The following MEGF11 variants were observed in gnomAD, a reference collection of about 807,000 sequenced individuals.
MEGF11 encodes the protein multiple epidermal growth factor-like domains protein 11.
A neutral mutation model predicts 146.6 loss-of-function variants in MEGF11; 126 were observed. The ratio of observed to expected loss-of-function variants is 0.86; its 90% CI spans 0.74 to 1.00. The LOEUF (loss-of-function observed/expected upper bound fraction) is 1.00, where lower values mean the gene tolerates loss of function less well. Ranked by LOEUF, MEGF11 falls within the 50% of genes least tolerant of loss-of-function variation. The probability of loss-of-function intolerance (pLI) is 0.00; values close to 1 mark genes in which losing one functional copy is unlikely to be tolerated. For synonymous variants in MEGF11, 532 were observed against 583.4 expected (o/e 0.91, Z 1.27); for missense variants, 1,509 against 1,521.2 (o/e 0.99, Z 0.13).
chr15:65,956,645 G>C (rs2080649753), intron 10 of MEGF11, among the ~76,000 whole-genome samples: 1 of 152,188 alleles, frequency 6.6e-6, no homozygotes, highest in South Asian at 2.1e-4. Flanking sequence ...TTGGCTCCTT[G>C]AGCCTGCTGG....
intron 5 of MEGF11, among the ~76,000 whole-genome samples, chr15:66,044,155 A>T (rs534941008): frequency 9.2e-5 from 14 of 152,320 alleles, no homozygotes; most frequent in African/African-American, 3.4e-4. Context: ...GAACATCTCC[A>T]CTATGGCAAG....
intron 3 of MEGF11, among the ~76,000 whole-genome samples, chr15:66,120,548 T>C (rs1281424402): frequency 1.3e-5 from 2 of 152,180 alleles, no homozygotes; most frequent in South Asian, 2.1e-4. Context: ...AGTCCTGTAA[T>C]ACAGGCTGGG....
At position 66,094,474 on chromosome 15, in the gene MEGF11, C is replaced by T. The variant is rs2086454054; in HGVS notation, c.322G>A (p.Val108Met). 7 of 1,560,672 alleles carry T rather than the reference C, an allele frequency of 4.5e-6. No individual in the cohort carries two copies. The highest frequency in any genetic ancestry group is 3.8e-5 in the Admixed American group (2 of 52,142). ...TCCGGGGAAACGCAGCGGCCGTGCA[C>T]ACACTCCTCCGTACACAGGGCTGAG... ...FCIPLCTEEC[V>M]HGRCVSPDTC... The change falls in exon 5 of 26, where the codon GTG (valine) becomes ATG (methionine). Residue 108 changes from valine to methionine, a missense_variant. Val to Met is a conservative substitution (Grantham distance 21). Transcript: ENST00000395614.
At chr15:66,038,158 T>C (rs1341914599) in intron 5 of MEGF11, among the ~76,000 whole-genome samples, 1 of 152,102 alleles carries the variant, frequency 6.6e-6, no homozygotes, top group African/African-American at 2.4e-5. Context: ...TAATGGAAAC[T>C]TCCTAGGAGC....
chr15:65,918,368 T>C (rs754089041), intron 15 of MEGF11, among the ~76,000 whole-genome samples: 57 of 152,264 alleles, frequency 3.7e-4, no homozygotes, highest in Non-Finnish European at 6.5e-4. Context: ...TAGAATCACC[T>C]GACTTAGGTC....
chr15:66,000,860 G>T (rs900038875), intron 5 of MEGF11, among the ~76,000 whole-genome samples: 1 of 152,230 alleles, frequency 6.6e-6, no homozygotes, highest in Non-Finnish European at 1.5e-5. Context: ...CTTGAGGTAG[G>T]AAGAGGAGGA....
chr15:65,913,726 A>G lies in MEGF11; in HGVS notation c.2710+11T>C, dbSNP rs770984842. 2 of 1,602,832 alleles carry G rather than the reference A, an allele frequency of 1.2e-6. No individual in the cohort carries two copies. Among genetic ancestry groups the G allele is most frequent in the South Asian group, 2.2e-5 (2 of 89,634 alleles). ...GGGGAAGAGGAGGGAGGCCAGGAGCATGGCCCTTACCTGAGAGGGAGTAGT... is the reference window on the plus strand; with the variant it reads ...GGGGAAGAGGAGGGAGGCCAGGAGCGTGGCCCTTACCTGAGAGGGAGTAGT... On this transcript the variant is annotated intron_variant, in intron 20 of 25. Coordinates refer to ENST00000395614, the MANE Select transcript of MEGF11 (RefSeq NM_001385028.1).
chr15:66,191,467 T>G (rs1319603987), intron 1 of MEGF11, among the ~76,000 whole-genome samples: 1 of 152,174 alleles, frequency 6.6e-6, no homozygotes, highest in Non-Finnish European at 1.5e-5. Flanking sequence ...ATATATTGTC[T>G]GGGGGACCTG....
chr15:66,016,311 C>T (rs1243568298), intron 5 of MEGF11, among the ~76,000 whole-genome samples: 4 of 152,080 alleles, frequency 2.6e-5, no homozygotes, highest in Non-Finnish European at 5.9e-5. Context: ...AGTACTTTTC[C>T]TGCAATATTT....
At chr15:66,011,448 T>A (rs1440921738) in intron 5 of MEGF11, among the ~76,000 whole-genome samples, 1 of 152,190 alleles carries the variant, frequency 6.6e-6, no homozygotes, top group Non-Finnish European at 1.5e-5. Flanking sequence ...GAAAGCTGTG[T>A]GTGGCCACCC....
intron 10 of MEGF11, among the ~76,000 whole-genome samples, chr15:65,954,934 C>T (rs138834341): frequency 1.6e-3 from 247 of 152,326 alleles, no homozygotes; most frequent in African/African-American, 5.8e-3. Context: ...GTAAAACCCT[C>T]AATGAGCTTC....
intron 1 of MEGF11, among the ~76,000 whole-genome samples, chr15:66,206,524 C>A (rs2086036): frequency 0.64 from 96,611 of 152,006 alleles, 31,210 homozygotes; most frequent in Non-Finnish European, 0.7. Context: ...TGAAGAAAAA[C>A]AATTGAAAGC....
chr15:66,249,380 C>G (rs1278826047), intron 1 of MEGF11, among the ~76,000 whole-genome samples: 1 of 152,170 alleles, frequency 6.6e-6, no homozygotes, highest in African/African-American at 2.4e-5. Flanking sequence ...ATGGAAGTTT[C>G]ATGAGGGGCT....
chr15:66,048,192 C>T (rs748381231), intron 5 of MEGF11, among the ~76,000 whole-genome samples: 24 of 152,258 alleles, frequency 1.6e-4, no homozygotes, highest in African/African-American at 4.8e-4. Context: ...GTGATCTGCC[C>T]GCCTTGGCCT....
intron 1 of MEGF11, among the ~76,000 whole-genome samples, chr15:66,136,957 C>T (rs2088914838): frequency 6.6e-6 from 1 of 152,108 alleles, no homozygotes. Flanking sequence ...CACTTGAGCC[C>T]AGGAGGCTGA....
At chr15:66,165,660 AC>A (rs1367241969) in intron 1 of MEGF11, among the ~76,000 whole-genome samples, 1 of 150,838 alleles carries the variant, frequency 6.6e-6, no homozygotes, top group South Asian at 2.1e-4. Context: ...TCTATTTCCT[AC>A]CTTTTTTCCT....
intron 1 of MEGF11, among the ~76,000 whole-genome samples, chr15:66,167,145 T>A (rs2090118522): frequency 6.6e-6 from 1 of 152,064 alleles, no homozygotes; most frequent in African/African-American, 2.4e-5. Context: ...GGCATCTTGA[T>A]AAAGGCAAAC....
At chr15:66,153,671 A>T (rs988596472) in intron 1 of MEGF11, among the ~76,000 whole-genome samples, 3 of 152,222 alleles carry the variant, frequency 2.0e-5, no homozygotes, top group Admixed American at 1.3e-4. Context: ...CTCATACCTG[A>T]CACCCAGGTG....
rs375591516 is a variant in MEGF11, at chr15:66,153,537, C to A, written c.-8-25126G>T. Among the ~76,000 whole-genome samples, 29 of 152,198 alleles carry A rather than the reference C, an allele frequency of 1.9e-4. No homozygotes were observed. In the South Asian group the frequency reaches 2.5e-3, roughly 13 times the overall value. ...GCAGTGAGCCGAGATCATGCCACTG[C>A]ACTCCAACCTGGGCAACAGAGCGAG... On this transcript the variant is annotated intron_variant, in intron 1 of 25. Transcript: ENST00000395614.
Sources: allele counts gnomAD v4.1 joint callset (sites outside exome capture counted in the v4.1 genomes callset), GRCh38; gene constraint gnomAD v4.1.1; transcripts MANE v1.5; gene names NCBI Gene and HGNC (gene_info 2026-07-23, HGNC 2026-07-21).